Variants in TMEM192 observed in about 807,000 individuals in gnomAD.
TMEM192 encodes the protein transmembrane protein 192.
A neutral mutation model predicts 26.7 loss-of-function variants in TMEM192; 20 were observed. That is an observed-to-expected ratio of 0.75 (90% CI 0.53 to 1.09). The LOEUF (loss-of-function observed/expected upper bound fraction) is 1.09. TMEM192 is among the 50% of genes least tolerant of loss of function. The probability of loss-of-function intolerance (pLI) is 0.00; values close to 1 mark genes in which losing one functional copy is unlikely to be tolerated. For missense variants in TMEM192, 304 were observed against 322.6 expected, an observed-to-expected ratio of 0.94 and a Z score of 0.44; for synonymous variants, 124 against 121.0, an observed-to-expected ratio of 1.02 and a Z score of -0.16.
chr4:165,088,427 G>T, intron 4 of TMEM192, 41 bp downstream of exon 4: 1 of 1,584,926 alleles, frequency 6.3e-7, no homozygotes. Flanking sequence ...AAAGGAAGCA[G>T]TTCGAAGTTC....
intron 3 of TMEM192, among the ~76,000 whole-genome samples, chr4:165,095,603 C>T (rs577001004): frequency 6.6e-6 from 1 of 152,270 alleles, no homozygotes; most frequent in Admixed American, 6.5e-5. Context: ...CCTTGAACTG[C>T]ACTTTTGCAT....
intron 1 of TMEM192, among the ~76,000 whole-genome samples, chr4:165,104,677 C>T (rs974703770): frequency 3.3e-5 from 5 of 151,976 alleles, no homozygotes; most frequent in African/African-American, 9.7e-5. Flanking sequence ...ATTAAAGGCA[C>T]GCGCCACTAT....
At position 165,079,653 on chromosome 4, in the gene TMEM192, GC is replaced by G; in HGVS notation, c.*4del. ...TCTGCAATTGCTGTCATGACCGTGA[GC>G]CTCTCACGTTCTACTTGGCTGACAG... On this transcript the variant is annotated 3_prime_UTR_variant, in exon 6 of 6. Transcript: ENST00000306480. 1 of 1,607,162 alleles carries G rather than the reference GC, an allele frequency of 6.2e-7. No homozygotes were observed. Among genetic ancestry groups the G allele is most frequent in the Middle Eastern group, 1.7e-4 (1 of 6,032 alleles).
At chr4:165,103,119 A>G in intron 1 of TMEM192, 23 bp from the exon 2 acceptor site, 3 of 1,575,172 alleles carry the variant, frequency 1.9e-6, no homozygotes, top group Non-Finnish European at 2.6e-6. Flanking sequence ...AAAACAAGCA[A>G]CCTATAATCA....
chr4:165,102,575 A>G (rs1332016555), intron 2 of TMEM192, among the ~76,000 whole-genome samples: 1 of 152,176 alleles, frequency 6.6e-6, no homozygotes, highest in Non-Finnish European at 1.5e-5. Flanking sequence ...CTATGTTAAT[A>G]TACTGTATAC....
chr4:165,093,744 CT>C (rs928743653), intron 3 of TMEM192, among the ~76,000 whole-genome samples: 1 of 151,816 alleles, frequency 6.6e-6, no homozygotes, highest in Non-Finnish European at 1.5e-5. Flanking sequence ...ATAATGGTGA[CT>C]TTTTTTTGAA....
chr4:165,089,727 G>A (rs1215566246), intron 3 of TMEM192, among the ~76,000 whole-genome samples: 1 of 152,072 alleles, frequency 6.6e-6, no homozygotes, highest in Non-Finnish European at 1.5e-5. Flanking sequence ...ACTGGCCAGG[G>A]GAGAAAGAAG....
intron 3 of TMEM192, 29 bp downstream of exon 3, chr4:165,100,591 TCAAGCACC>T: frequency 6.3e-7 from 1 of 1,590,950 alleles, no homozygotes; most frequent in Non-Finnish European, 8.5e-7. Context: ...TTTTTGTCCC[TCAAGCACC>T]CAAGTAGCTG....
chr4:165,088,453 CGTT>C lies in TMEM192; in HGVS notation c.574+12_574+14del. 1 of 1,607,942 alleles carries C rather than the reference CGTT, an allele frequency of 6.2e-7. No homozygotes were observed. Among genetic ancestry groups the C allele is most frequent in the South Asian group, 1.1e-5 (1 of 90,284 alleles). ...TTCGAAGTTCCTATAAGAACAGGCT[CGTT>C]GTAATTCTCACCTGTGTAAATGAGG... is the stretch of plus-strand genomic sequence containing the variant. On this transcript the variant is annotated intron_variant, in intron 4 of 5. Coordinates refer to ENST00000306480, the MANE Select transcript of TMEM192 (RefSeq NM_001100389.2).
Position 165,100,867 on chromosome 4 carries a change from A to C in TMEM192, c.200T>G (p.Leu67Ter). The C allele has an allele frequency of 6.2e-7, 1 of 1,612,792 alleles. No individual in the cohort carries two copies. Among genetic ancestry groups the C allele is most frequent in the Non-Finnish European group, 8.5e-7 (1 of 1,179,656 alleles). ...AGGATAAGAACAAAGCACACCTGTTAAAAATGCTAAAACAACAAACACGAG... is the reference window on the plus strand; with the variant it reads ...AGGATAAGAACAAAGCACACCTGTTCAAAATGCTAAAACAACAAACACGAG... ...IHLVFVVLAF[L>*]TGVLCSYPNP... The change falls in exon 3 of 6, where the codon TTA (leucine) becomes TGA (stop). Residue 67 changes from leucine (L) to a stop codon, truncating the protein, a stop_gained. Coordinates refer to ENST00000306480, the MANE Select transcript of TMEM192 (RefSeq NM_001100389.2). LOFTEE classifies it high-confidence loss of function.
Position 165,077,974 on chromosome 4 carries a change from G to C in TMEM192, c.*1684C>G, listed in dbSNP as rs1465829898. ...AGAGACAGTGTCTCATTGTTGCCCA[G>C]GCTGGTCTCAAACTCCTGGCCTTGA... On this transcript the variant is annotated 3_prime_UTR_variant, in exon 6 of 6. Transcript: ENST00000306480. The C allele has an allele frequency of 4.0e-5, 6 of 149,252 alleles. No individual in the cohort carries two copies. Among genetic ancestry groups the C allele is most frequent in the Non-Finnish European group, 5.9e-5 (4 of 67,622 alleles). 9.2% of individuals were successfully genotyped at this position (149,252 alleles called of 1,614,324 possible). A position where few individuals can be genotyped will look rare whatever the true frequency, so the allele number is the denominator to read the frequency against.
In TMEM192 at chr4:165,079,510, A is replaced by T; in HGVS notation, c.*148T>A. 1 of 841,056 alleles carries T rather than the reference A, an allele frequency of 1.2e-6. No homozygotes were observed. The highest frequency in any genetic ancestry group is 1.7e-6 in the Non-Finnish European group (1 of 578,272). 52.1% of individuals were successfully genotyped at this position (841,056 alleles called of 1,614,324 possible). A position where few individuals can be genotyped will look rare whatever the true frequency, so the allele number is the denominator to read the frequency against. On this transcript the variant is annotated 3_prime_UTR_variant, in exon 6 of 6. Coordinates refer to ENST00000306480, the MANE Select transcript of TMEM192 (RefSeq NM_001100389.2). Reference sequence around the variant, plus strand: ...CAAGCCCTATATTTTAAACAGCCACAGAAGTCAGAACCAAATTCAGGTTTC... The same window carrying T: ...CAAGCCCTATATTTTAAACAGCCACTGAAGTCAGAACCAAATTCAGGTTTC...
At chr4:165,106,820 G>A (rs548443159) in intron 1 of TMEM192, among the ~76,000 whole-genome samples, 1 of 152,114 alleles carries the variant, frequency 6.6e-6, no homozygotes, top group Non-Finnish European at 1.5e-5. Flanking sequence ...CAGCTTGCAG[G>A]TGGCCTATCA....
Position 165,079,807 on chromosome 4 carries a change from T to A in TMEM192, c.678-11A>T. The A allele has an allele frequency of 6.2e-7, 1 of 1,613,016 alleles. No homozygotes were observed. Among genetic ancestry groups the A allele is most frequent in the Non-Finnish European group, 8.5e-7 (1 of 1,179,526 alleles). ...AGGCTTGAAATAGTTCTGCAAGTAA[T>A]CAAGATATAAATGGGTTACACATAT... On this transcript the variant is annotated splice_polypyrimidine_tract_variant and intron_variant, in intron 5 of 5. Coordinates refer to ENST00000306480, the MANE Select transcript of TMEM192 (RefSeq NM_001100389.2).
In TMEM192 at chr4:165,102,968, A is replaced by T; in HGVS notation, c.156T>A (p.Asn52Lys). Reference protein sequence around the residue: ...FHPLPTVIIVNLLWFIHLVFV... With the variant: ...FHPLPTVIIVKLLWFIHLVFV... ...AACTTACATGAATAAACCACAGAAG[A>T]TTCACTATGATGACTGTAGGAAGAG... Residue 52 changes from asparagine to lysine, a missense_variant, in exon 2 of 6, where the codon AAT (asparagine) becomes AAA (lysine). Transcript: ENST00000306480. 1 of 1,612,228 alleles carries T rather than the reference A, an allele frequency of 6.2e-7. No individual in the cohort carries two copies.
intron 1 of TMEM192, among the ~76,000 whole-genome samples, chr4:165,111,247 C>A (rs912543585): frequency 6.6e-6 from 1 of 152,106 alleles, no homozygotes; most frequent in Non-Finnish European, 1.5e-5. Flanking sequence ...GCCCCCACCA[C>A]CCCACCTGGC....
intron 3 of TMEM192, among the ~76,000 whole-genome samples, chr4:165,089,508 A>G (rs998144823): frequency 3.9e-5 from 6 of 152,120 alleles, no homozygotes; most frequent in African/African-American, 1.2e-4. Context: ...TATTTTTAGT[A>G]GAGACAGGGT....
chr4:165,112,305 C>G (rs1578917835), intron 1 of TMEM192, among the ~76,000 whole-genome samples: 1 of 152,324 alleles, frequency 6.6e-6, no homozygotes, highest in East Asian at 1.9e-4. Context: ...GGGACCTCAC[C>G]AGGAAGGGAG....
rs1170529915 is a variant in TMEM192 at position 165,089,409 on chromosome 4, C to T, written c.440-807G>A. ...TATCTCGGCTCACTGCAAGCTCCAC[C>T]TCCCAGGTTTCACGCCATTCTCCTG... On this transcript the variant is annotated intron_variant, in intron 3 of 5. Transcript: ENST00000306480. Among the ~76,000 whole-genome samples the T allele has an allele frequency of 2.0e-5, 3 of 152,260 alleles. No individual in the cohort carries two copies. The South Asian group carries it at 6.2e-4, about 32-fold the overall frequency.
Sources: gnomAD v4.1 joint callset for allele counts (sites outside exome capture counted in the v4.1 genomes callset) on GRCh38, gnomAD v4.1.1 for gene constraint, MANE v1.5 for transcripts, NCBI Gene and HGNC (gene_info 2026-07-23, HGNC 2026-07-21) for gene names.